CRIM1: variants seen among roughly 807,000 people sequenced by gnomAD.
CRIM1 encodes cysteine rich transmembrane BMP regulator 1, also known as cysteine-rich motor neuron 1 protein.
CRIM1 carries 32 observed loss-of-function variants against 116.4 expected under a neutral mutation model. That is an observed-to-expected ratio of 0.27 (90% confidence interval 0.21 to 0.37). The LOEUF is 0.37. Among genes scored for constraint, CRIM1 ranks in the 10% least tolerant of loss-of-function variants. The pLI, the probability that CRIM1 is intolerant of heterozygous loss-of-function variation, is 1.00. For synonymous variants in CRIM1, 590 were observed against 509.2 expected (o/e 1.16, Z -2.13); for missense variants, 1,331 against 1,354.8 (o/e 0.98, Z 0.28).
intron 4 of CRIM1, among the ~76,000 whole-genome samples, chr2:36,456,971 A>C (rs978932601): frequency 6.6e-6 from 1 of 152,102 alleles, no homozygotes; most frequent in African/African-American, 2.4e-5. Flanking sequence ...TAGACTTACA[A>C]CTTCTGTTCT....
intron 1 of CRIM1, among the ~76,000 whole-genome samples, chr2:36,357,504 G>T (rs1450771469): frequency 6.6e-6 from 1 of 152,140 alleles, no homozygotes; most frequent in Non-Finnish European, 1.5e-5. Context: ...AGTCTTTCTC[G>T]TTGGGGAGCC....
intron 2 of CRIM1, among the ~76,000 whole-genome samples, chr2:36,419,224 T>C (rs1393326258): frequency 6.6e-6 from 1 of 152,200 alleles, no homozygotes; most frequent in African/African-American, 2.4e-5. Flanking sequence ...TAGGACAACA[T>C]GGTAATTTGG....
intron 5 of CRIM1, among the ~76,000 whole-genome samples, chr2:36,476,230 C>T (rs1308011108): frequency 1.3e-5 from 2 of 151,992 alleles, no homozygotes; most frequent in African/African-American, 4.8e-5. Flanking sequence ...AGTTGAAGAG[C>T]TACTGTTTTG....
chr2:36,374,022 C>T (rs1158246473), intron 1 of CRIM1, among the ~76,000 whole-genome samples: 3 of 152,188 alleles, frequency 2.0e-5, no homozygotes, highest in African/African-American at 7.2e-5. Flanking sequence ...GGCGTCTTTT[C>T]CTGTGTCTCC....
intron 1 of CRIM1, among the ~76,000 whole-genome samples, chr2:36,386,336 T>A (rs530170924): frequency 6.6e-6 from 1 of 152,362 alleles, no homozygotes; most frequent in African/African-American, 2.4e-5. Flanking sequence ...TGAGGCATAT[T>A]ATATTCATTC....
intron 7 of CRIM1, among the ~76,000 whole-genome samples, chr2:36,491,793 T>G (rs537205495): frequency 2.2e-4 from 33 of 152,254 alleles, no homozygotes; most frequent in African/African-American, 7.9e-4. Flanking sequence ...AATAGCTACT[T>G]AAATGTGCAC....
intron 2 of CRIM1, among the ~76,000 whole-genome samples, chr2:36,397,787 C>G (rs1672132076): frequency 6.6e-6 from 1 of 152,130 alleles, no homozygotes; most frequent in Non-Finnish European, 1.5e-5. Context: ...TTTGTATTTA[C>G]CAGTGCTCCT....
At chr2:36,544,521 ATCTGCTAGTTT>A in intron 15 of CRIM1, 23 bp downstream of exon 15, 1 of 1,322,292 alleles carries the variant, frequency 7.6e-7, no homozygotes. Context: ...GGCAGCTGAG[ATCTGCTAGTTT>A]TCTATGTGGT....
At chr2:36,477,194 T>C in intron 6 of CRIM1, 123 bp downstream of exon 6, 1 of 742,506 alleles carries the variant, frequency 1.3e-6, no homozygotes, top group Non-Finnish European at 2.1e-6. Flanking sequence ...TTTTTAGCCT[T>C]TTTTAAGACA....
intron 1 of CRIM1, among the ~76,000 whole-genome samples, chr2:36,373,754 G>A (rs1670105392): frequency 6.6e-6 from 1 of 152,046 alleles, no homozygotes; most frequent in South Asian, 2.1e-4. Context: ...TGCACACGTT[G>A]GAGATTATGT....
chr2:36,368,683 G>A (rs1422644234), intron 1 of CRIM1, among the ~76,000 whole-genome samples: 3 of 152,134 alleles, frequency 2.0e-5, no homozygotes, highest in East Asian at 1.9e-4. Flanking sequence ...TTCCATTTGG[G>A]AGTATGTCAT....
chr2:36,511,316 A>G (rs959188578), intron 9 of CRIM1, among the ~76,000 whole-genome samples: 3 of 152,042 alleles, frequency 2.0e-5, no homozygotes, highest in African/African-American at 7.2e-5. Flanking sequence ...TTCATTCTTC[A>G]TTTAAAAATT....
At chr2:36,373,851 T>C (rs1380417925) in intron 1 of CRIM1, among the ~76,000 whole-genome samples, 1 of 152,216 alleles carries the variant, frequency 6.6e-6, no homozygotes, top group African/African-American at 2.4e-5. Flanking sequence ...TAGTCTGTTA[T>C]GTCCATTCTT....
At chr2:36,489,411 C>G (rs978507986) in intron 7 of CRIM1, among the ~76,000 whole-genome samples, 3 of 152,162 alleles carry the variant, frequency 2.0e-5, no homozygotes, top group Admixed American at 2.0e-4. Context: ...TCGGCAAGCT[C>G]AGATCTTTTC....
chr2:36,427,447 T>C (rs1414179587), intron 2 of CRIM1, among the ~76,000 whole-genome samples: 1 of 152,064 alleles, frequency 6.6e-6, no homozygotes, highest in Non-Finnish European at 1.5e-5. Flanking sequence ...GTTTGAACTG[T>C]GAGGAAGCCA....
Position 36,369,914 on chromosome 2 carries a change from T to C in CRIM1, c.331+13291T>C, listed in dbSNP as rs534073906. ...CGTGCATGTGTATTTTTTCAGTTGC[T>C]GAGGGCACAACACAGACAAAGAATA... On this transcript the variant is annotated intron_variant, in intron 1 of 16. Coordinates refer to ENST00000280527, the MANE Select transcript of CRIM1 (RefSeq NM_016441.3). Among the ~76,000 whole-genome samples the C allele has an allele frequency of 1.3e-4, 20 of 152,306 alleles. No individual in the cohort carries two copies. In the South Asian group the frequency reaches 4.1e-3, roughly 32 times the overall value.
intron 16 of CRIM1, among the ~76,000 whole-genome samples, chr2:36,547,423 T>G (rs748817952): frequency 6.6e-6 from 1 of 152,224 alleles, no homozygotes; most frequent in African/African-American, 2.4e-5. Context: ...GTTTTCTCGA[T>G]GTACTCTGAA....
intron 13 of CRIM1, among the ~76,000 whole-genome samples, chr2:36,528,267 C>A (rs755943613): frequency 6.6e-5 from 10 of 152,156 alleles, no homozygotes; most frequent in Non-Finnish European, 1.5e-4. Context: ...ATGAGCTTTT[C>A]GAGGCCGAGA....
chr2:36,528,649 G>A (rs1447295116), intron 13 of CRIM1, among the ~76,000 whole-genome samples: 4 of 152,190 alleles, frequency 2.6e-5, no homozygotes, highest in African/African-American at 9.7e-5. Flanking sequence ...GTCAGTTACT[G>A]TGGACCTACA....
Sources: allele counts gnomAD v4.1 joint callset (sites outside exome capture counted in the v4.1 genomes callset), GRCh38; gene constraint gnomAD v4.1.1; transcripts MANE v1.5; gene names NCBI Gene and HGNC (gene_info 2026-07-23, HGNC 2026-07-21).